The following SH3GL3 variants were observed in gnomAD, a reference collection of about 807,000 sequenced individuals.
SH3GL3 encodes endophilin-A3.
In SH3GL3, 33 loss-of-function variants were observed where a neutral mutation model predicts 47.7. The ratio of observed to expected loss-of-function variants is 0.69; its 90% confidence interval spans 0.52 to 0.92. The LOEUF is 0.92. Among genes scored for constraint, SH3GL3 ranks in the 40% least tolerant of loss-of-function variants. The pLI, the probability that SH3GL3 is intolerant of heterozygous loss-of-function variation, is 0.00. For synonymous variants in SH3GL3, 155 were observed against 148.8 expected, an observed-to-expected ratio of 1.04 and a Z score of -0.30; for missense variants, 363 against 417.8, an observed-to-expected ratio of 0.87 and a Z score of 1.14.
chr15:83,537,306 C>T (rs946165083), intron 1 of SH3GL3, among the ~76,000 whole-genome samples: 1 of 152,198 alleles, frequency 6.6e-6, no homozygotes, highest in African/African-American at 2.4e-5. Flanking sequence ...AGTGTGGGTA[C>T]AGTCTTCAGC....
chr15:83,571,290 G>A (rs2045804258), intron 4 of SH3GL3, among the ~76,000 whole-genome samples: 1 of 152,216 alleles, frequency 6.6e-6, no homozygotes, highest in Non-Finnish European at 1.5e-5. Flanking sequence ...CTGTCAAGGC[G>A]AAATGAGCTG....
intron 1 of SH3GL3, among the ~76,000 whole-genome samples, chr15:83,538,391 T>A (rs1440843127): frequency 6.6e-6 from 1 of 152,146 alleles, no homozygotes; most frequent in African/African-American, 2.4e-5. Flanking sequence ...AATGTACATA[T>A]AGGAAAGTGA....
intron 1 of SH3GL3, among the ~76,000 whole-genome samples, chr15:83,540,822 G>T (rs570574361): frequency 1.3e-5 from 2 of 152,200 alleles, no homozygotes; most frequent in South Asian, 4.1e-4. Context: ...ACTCTAAAAT[G>T]TACAACAAAT....
At chr15:83,620,576 A>C (rs112140508), downstream of SH3GL3, among the ~76,000 whole-genome samples, 1,903 of 152,330 alleles carry the variant, frequency 0.012, 40 homozygotes, top group African/African-American at 0.039. Context: ...TTTTCTCTGA[A>C]CGGTAGATCT....
chr15:83,618,263 A>C lies in SH3GL3; in HGVS notation c.1020A>C (p.Glu340Asp), dbSNP rs2060881759. 6.2e-7 allele frequency: 1 copy of C among 1,609,900 alleles called. No homozygotes were observed. Among genetic ancestry groups the C allele is most frequent in the Non-Finnish European group, 8.5e-7 (1 of 1,176,204 alleles). ...ESGFFPINYV[E>D]VIVPLPQ The stretch of plus-strand genomic sequence containing the variant: ...GATTCTTCCCCATTAATTACGTGGA[A>C]GTGATCGTGCCTTTACCTCAGTAAA... Residue 340 changes from glutamate to aspartate, a missense_variant, in exon 9 of 9, where the codon GAA becomes GAC. By Grantham distance (45) the Glu-to-Asp change is conservative. Transcript: ENST00000427482.
At chr15:83,630,215 G>T in the SH3GL3 span, among the ~76,000 whole-genome samples, 1 of 152,072 alleles carries the variant, frequency 6.6e-6, no homozygotes, top group African/African-American at 2.4e-5. Context: ...TTTATAAATT[G>T]CCCAGTCTCA....
At chr15:83,483,774 C>T (rs2041477456) in intron 1 of SH3GL3, among the ~76,000 whole-genome samples, 1 of 152,198 alleles carries the variant, frequency 6.6e-6, no homozygotes, top group South Asian at 2.1e-4. Flanking sequence ...ATCCCCATGG[C>T]CCTTTTTATG....
rs561396016 is a variant in SH3GL3 at position 83,568,236 on chromosome 15, G to A, written c.188-293G>A. ...TGGCCTCAGGTGATCTGCCGGCCTC[G>A]GCCTCCCAAAGTGTTGGGATTACAG... On this transcript the variant is annotated intron_variant, in intron 3 of 8. Transcript: ENST00000427482. Among the ~76,000 whole-genome samples the A allele has an allele frequency of 3.7e-4, 56 of 152,124 alleles. 2 individuals carry two copies. The highest frequency in any genetic ancestry group is 1.7e-3 in the South Asian group (8 of 4,824).
chr15:83,545,169 T>A (rs757521871), intron 1 of SH3GL3, among the ~76,000 whole-genome samples: 9 of 152,196 alleles, frequency 5.9e-5, no homozygotes, highest in Non-Finnish European at 1.0e-4. Flanking sequence ...GATTTGCCCT[T>A]TTGAAGCTAT....
chr15:83,525,351 C>CGT (rs3078536), intron 1 of SH3GL3, among the ~76,000 whole-genome samples: 6,555 of 147,894 alleles, frequency 0.044, 152 homozygotes, highest in Non-Finnish European at 0.057. Context: ...ATTCTTTGTG[C>CGT]GTGTGTGTGT....
At chr15:83,597,054 T>G (rs985507436) in intron 8 of SH3GL3, among the ~76,000 whole-genome samples, 4 of 152,208 alleles carry the variant, frequency 2.6e-5, no homozygotes, top group Admixed American at 2.6e-4. Flanking sequence ...TACCACAAAC[T>G]GTGTGGTCTA....
chr15:83,613,201 C>G (rs1325994879), intron 8 of SH3GL3, among the ~76,000 whole-genome samples: 3 of 152,166 alleles, frequency 2.0e-5, no homozygotes, highest in Non-Finnish European at 4.4e-5. Context: ...GCCAATTGCT[C>G]TTAGTGTTGT....
chr15:83,463,106 C>T (rs1414200799), intron 1 of SH3GL3, among the ~76,000 whole-genome samples: 2 of 152,130 alleles, frequency 1.3e-5, no homozygotes, highest in South Asian at 2.1e-4. Context: ...CTTGCATATC[C>T]GAGATAAGGC....
chr15:83,560,974 A>T (rs937814177), intron 2 of SH3GL3, among the ~76,000 whole-genome samples: 4 of 152,196 alleles, frequency 2.6e-5, no homozygotes, highest in Non-Finnish European at 4.4e-5. Context: ...ACTACATAAC[A>T]TAGCATCTGA....
chr15:83,498,674 ATTAC>A (rs574419091), intron 1 of SH3GL3, among the ~76,000 whole-genome samples: 6 of 152,012 alleles, frequency 3.9e-5, no homozygotes, highest in Non-Finnish European at 8.8e-5. Context: ...GTGGGGCCAC[ATTAC>A]TTATTATCTA....
chr15:83,509,521 C>T (rs1359997297), intron 1 of SH3GL3, among the ~76,000 whole-genome samples: 5 of 152,138 alleles, frequency 3.3e-5, no homozygotes, highest in African/African-American at 4.8e-5. Flanking sequence ...GGAAGAACTT[C>T]GTTTTCAGGT....
chr15:83,611,006 ATGTG>A (rs933271172), intron 8 of SH3GL3, among the ~76,000 whole-genome samples: 2 of 150,066 alleles, frequency 1.3e-5, no homozygotes, highest in Non-Finnish European at 3.0e-5. Flanking sequence ...TATAATATGT[ATGTG>A]TGTGTGTATA....
intron 6 of SH3GL3, among the ~76,000 whole-genome samples, chr15:83,584,853 T>C (rs17526520): frequency 0.02 from 2,974 of 152,364 alleles, 50 homozygotes; most frequent in South Asian, 0.054. Context: ...ATTCAACAGA[T>C]GGACTGCTGA....
At chr15:83,515,909 A>G (rs1277546812) in intron 1 of SH3GL3, among the ~76,000 whole-genome samples, 2 of 152,210 alleles carry the variant, frequency 1.3e-5, no homozygotes, top group African/African-American at 4.8e-5. Context: ...ATTCACTGTA[A>G]AAATATCGTT....
Sources: gnomAD v4.1 joint callset for allele counts (sites outside exome capture counted in the v4.1 genomes callset) on GRCh38, gnomAD v4.1.1 for gene constraint, MANE v1.5 for transcripts, NCBI Gene and HGNC (gene_info 2026-07-23, HGNC 2026-07-21) for gene names.